Variants in PVT1 observed in about 807,000 individuals in gnomAD.
The protein encoded by PVT1 is CXCR4/PVT1 fusion.
intron 2 of PVT1, among the ~76,000 whole-genome samples, chr8:127,853,838 A>G (rs1815131608): frequency 6.6e-6 from 1 of 152,156 alleles, no homozygotes; most frequent in Non-Finnish European, 1.5e-5. Context: ...TAAAGAGAGA[A>G]GAAAGGCGGG....
intron 3 of PVT1, among the ~76,000 whole-genome samples, chr8:127,970,298 T>TTTTTTG (rs1816750502): frequency 1.7e-5 from 2 of 120,690 alleles, no homozygotes; most frequent in Middle Eastern, 3.6e-3. Flanking sequence ...TGTTTTTTTT[T>TTTTTTG]TTTTTTTTTT....
intron 2 of PVT1, chr8:127,855,216 A>T (rs1416945412): frequency 7.5e-6 from 3 of 398,564 alleles, no homozygotes; most frequent in African/African-American, 6.2e-5. Context: ...TGTTCTTAGG[A>T]GTCCTGCTGT....
intron 4 of PVT1, among the ~76,000 whole-genome samples, chr8:128,005,710 T>C (rs1449852635): frequency 6.6e-6 from 1 of 152,186 alleles, no homozygotes; most frequent in Non-Finnish European, 1.5e-5. Flanking sequence ...GCTTTCAGCA[T>C]TCTGGTGGCT....
chr8:127,844,863 A>C (rs943404256), intron 2 of PVT1, among the ~76,000 whole-genome samples: 6 of 151,894 alleles, frequency 4.0e-5, no homozygotes, highest in African/African-American at 1.2e-4. Context: ...ACAGGCGCCC[A>C]CCACCACGCC....
chr8:128,068,621 G>C (rs1171054661), intron 4 of PVT1, among the ~76,000 whole-genome samples: 2 of 149,226 alleles, frequency 1.3e-5, no homozygotes, highest in Non-Finnish European at 3.0e-5. Flanking sequence ...CTCAGCCCCT[G>C]AGAAGCTGGG....
intron 5 of PVT1, among the ~76,000 whole-genome samples, chr8:128,094,588 G>A (rs1814402054): frequency 6.6e-6 from 1 of 152,224 alleles, no homozygotes. Flanking sequence ...CTGATCCTTG[G>A]TCTGTGAAAC....
chr8:127,825,720 C>A (rs1358506910), intron 2 of PVT1, among the ~76,000 whole-genome samples: 3 of 152,164 alleles, frequency 2.0e-5, no homozygotes, highest in Admixed American at 2.0e-4. Flanking sequence ...GCTGTATGTT[C>A]CTAGCCGCGT....
intron 4 of PVT1, among the ~76,000 whole-genome samples, chr8:128,049,750 T>A (rs1813666402): frequency 6.6e-6 from 1 of 152,208 alleles, no homozygotes; most frequent in Non-Finnish European, 1.5e-5. Context: ...CTGATTCAGG[T>A]AAGGTTTACA....
intron 3 of PVT1, among the ~76,000 whole-genome samples, chr8:127,904,056 A>G (rs2129830016): frequency 6.6e-6 from 1 of 152,374 alleles, no homozygotes; most frequent in East Asian, 1.9e-4. Context: ...CCAATCAATG[A>G]GCATGAAATG....
chr8:127,955,665 C>T (rs1051674094), intron 3 of PVT1, among the ~76,000 whole-genome samples: 2 of 152,052 alleles, frequency 1.3e-5, no homozygotes, highest in African/African-American at 2.4e-5. Context: ...CCACTACAAC[C>T]GCCACCTCCC....
intron 4 of PVT1, among the ~76,000 whole-genome samples, chr8:128,005,624 G>A (rs1229775308): frequency 4.6e-5 from 7 of 152,082 alleles, no homozygotes; most frequent in East Asian, 3.9e-4. Flanking sequence ...CAGTACTCTC[G>A]GTTTGTCTGG....
intron 4 of PVT1, among the ~76,000 whole-genome samples, chr8:128,005,280 A>G (rs1817232660): frequency 6.6e-6 from 1 of 152,172 alleles, no homozygotes. Context: ...CTCATCAGCT[A>G]TCGTTAGTGT....
At chr8:127,854,262 A>G (rs918464604) in intron 2 of PVT1, among the ~76,000 whole-genome samples, 2 of 152,222 alleles carry the variant, frequency 1.3e-5, no homozygotes, top group African/African-American at 4.8e-5. Flanking sequence ...GGCAGGGGGC[A>G]TTCCTCTGGG....
intron 3 of PVT1, among the ~76,000 whole-genome samples, chr8:127,949,553 A>G (rs999518637): frequency 7.4e-6 from 1 of 134,924 alleles, no homozygotes; most frequent in Non-Finnish European, 1.6e-5. Context: ...AGCCACCCCC[A>G]CCCCCCATCC....
intron 3 of PVT1, among the ~76,000 whole-genome samples, chr8:127,946,165 T>C (rs1057303129): frequency 6.6e-6 from 1 of 152,214 alleles, no homozygotes; most frequent in Admixed American, 6.5e-5. Flanking sequence ...CTTAGGGCGA[T>C]TGGCCTTTCT....
chr8:128,071,325 AC>A (rs1813985775), intron 5 of PVT1, among the ~76,000 whole-genome samples: 1 of 152,188 alleles, frequency 6.6e-6, no homozygotes, highest in African/African-American at 2.4e-5. Flanking sequence ...GCAAGCAGCA[AC>A]TTCCCCTTCT....
intron 2 of PVT1, among the ~76,000 whole-genome samples, chr8:127,854,304 C>A (rs1311144545): frequency 2.0e-5 from 3 of 152,226 alleles, no homozygotes; most frequent in Non-Finnish European, 2.9e-5. Flanking sequence ...TGGCACAAGA[C>A]CCCCTGCTCC....
intron 3 of PVT1, among the ~76,000 whole-genome samples, chr8:127,905,284 G>A (rs1815806239): frequency 6.6e-6 from 1 of 152,204 alleles, no homozygotes; most frequent in Admixed American, 6.5e-5. Context: ...CAAATGCCAT[G>A]GGCTGGGAGC....
Position 127,925,632 on chromosome 8 carries a change from G to A in PVT1, n.782+34634G>A, listed in dbSNP as rs896516481. ...ATCAGAGGCTGTTCTGTGAATTTTA[G>A]AGGTTTTTTGTTTTTGTTTTTTTTT... On this transcript the variant is annotated intron_variant and non_coding_transcript_variant, in intron 3 of 10. Coordinates refer to ENST00000651587, the Ensembl canonical transcript of PVT1. Among the ~76,000 whole-genome samples the A allele has an allele frequency of 2.8e-5, 3 of 107,150 alleles. No homozygotes were observed. In the Admixed American group the frequency reaches 3.4e-4, roughly 12 times the overall value. 70.3% of individuals were successfully genotyped at this position (107,150 alleles called of 152,430 possible).
Sources: allele counts gnomAD v4.1 joint callset (sites outside exome capture counted in the v4.1 genomes callset), GRCh38; gene constraint gnomAD v4.1.1; transcripts MANE v1.5; gene names NCBI Gene and HGNC (gene_info 2026-07-23, HGNC 2026-07-21).